The following FOXP2 variants were observed in gnomAD, a reference collection of about 807,000 sequenced individuals.
FOXP2 encodes forkhead box P2.
FOXP2 carries 12 observed loss-of-function variants against 115.8 expected under a neutral mutation model. The ratio of observed to expected loss-of-function variants is 0.10; its 90% confidence interval spans 0.07 to 0.17. FOXP2 has a LOEUF of 0.17. Ranked by LOEUF, FOXP2 falls within the 10% of genes least tolerant of loss-of-function variation. The probability of loss-of-function intolerance (pLI) is 1.00; values close to 1 mark genes in which losing one functional copy is unlikely to be tolerated. For missense variants in FOXP2, 629 were observed against 843.5 expected (o/e 0.75, Z 3.15); for synonymous variants, 328 against 297.7 (o/e 1.10, Z -1.05).
chr7:114,398,473 A>G (rs13307269), intron 2 of FOXP2, among the ~76,000 whole-genome samples: 3 of 152,222 alleles, frequency 2.0e-5, no homozygotes, highest in South Asian at 2.1e-4. Flanking sequence ...CAATGAAAAC[A>G]TACAAAAATA....
At chr7:114,408,563 C>T (rs759458434) in intron 2 of FOXP2, among the ~76,000 whole-genome samples, 11 of 151,816 alleles carry the variant, frequency 7.2e-5, no homozygotes, top group Non-Finnish European at 1.5e-4. Context: ...CCTGTCTCTA[C>T]GAAAAATACA....
intron 1 of FOXP2, among the ~76,000 whole-genome samples, chr7:114,149,518 T>A (rs986042252): frequency 3.3e-5 from 5 of 152,238 alleles, no homozygotes; most frequent in African/African-American, 1.2e-4. Context: ...CCTGCACTAT[T>A]TGCTGAGGTC....
At chr7:114,647,697 C>T (rs1159134468) in intron 8 of FOXP2, among the ~76,000 whole-genome samples, 1 of 151,940 alleles carries the variant, frequency 6.6e-6, no homozygotes, top group Non-Finnish European at 1.5e-5. Context: ...TCATTACTGT[C>T]TTATAAATGT....
intron 2 of FOXP2, among the ~76,000 whole-genome samples, chr7:114,316,614 G>T (rs1174446187): frequency 6.6e-6 from 1 of 152,198 alleles, no homozygotes; most frequent in South Asian, 2.1e-4. Context: ...TTATAGTAGG[G>T]ACCTGAAGGA....
chr7:114,281,044 G>A (rs985231357), intron 1 of FOXP2, among the ~76,000 whole-genome samples: 3 of 147,276 alleles, frequency 2.0e-5, no homozygotes, highest in African/African-American at 7.5e-5. Flanking sequence ...TATAACAGAT[G>A]TTTAGTAATT....
intron 2 of FOXP2, among the ~76,000 whole-genome samples, chr7:114,517,809 G>C (rs1370192177): frequency 6.6e-6 from 1 of 151,836 alleles, no homozygotes; most frequent in Non-Finnish European, 1.5e-5. Flanking sequence ...TGGCTATTGG[G>C]GTCTTTTGTG....
chr7:114,570,019 T>C (rs1801209877), intron 3 of FOXP2, among the ~76,000 whole-genome samples: 1 of 151,926 alleles, frequency 6.6e-6, no homozygotes, highest in Non-Finnish European at 1.5e-5. Context: ...AAGGATGTGT[T>C]GTCACATGGT....
intron 2 of FOXP2, among the ~76,000 whole-genome samples, chr7:114,483,657 G>A (rs1375384254): frequency 3.3e-5 from 5 of 151,496 alleles, no homozygotes; most frequent in Admixed American, 1.3e-4. Flanking sequence ...TGATACTGAC[G>A]TTTTTTAAAA....
At chr7:114,253,266 C>T (rs1795503824) in intron 1 of FOXP2, among the ~76,000 whole-genome samples, 2 of 152,062 alleles carry the variant, frequency 1.3e-5, no homozygotes, top group Non-Finnish European at 2.9e-5. Context: ...AATGTATATT[C>T]TGTTGATTTG....
chr7:114,173,052 A>G (rs1009315515), intron 1 of FOXP2, among the ~76,000 whole-genome samples: 29 of 151,942 alleles, frequency 1.9e-4, no homozygotes, highest in African/African-American at 2.2e-4. Context: ...GAAAATATAG[A>G]TATATATTAC....
At chr7:114,381,269 GT>G (rs1792285416) in intron 2 of FOXP2, among the ~76,000 whole-genome samples, 1 of 152,166 alleles carries the variant, frequency 6.6e-6, no homozygotes, top group Non-Finnish European at 1.5e-5. Context: ...ATTTAACCTG[GT>G]ATGAGCAGAG....
intron 2 of FOXP2, among the ~76,000 whole-genome samples, chr7:114,510,896 A>T (rs1798036952): frequency 6.6e-6 from 1 of 152,244 alleles, no homozygotes; most frequent in South Asian, 2.1e-4. Flanking sequence ...CTATAAAGAC[A>T]CATGCACACG....
At chr7:114,368,817 C>T (rs1405618354) in intron 2 of FOXP2, among the ~76,000 whole-genome samples, 1 of 152,188 alleles carries the variant, frequency 6.6e-6, no homozygotes, top group African/African-American at 2.4e-5. Flanking sequence ...ACATTTTTAC[C>T]TATAGCTTTG....
At chr7:114,138,339 C>G (rs763687711) in intron 1 of FOXP2, among the ~76,000 whole-genome samples, 7 of 151,300 alleles carry the variant, frequency 4.6e-5, no homozygotes, top group Non-Finnish European at 1.0e-4. Flanking sequence ...ATATCCTGTT[C>G]ATAGTATATA....
chr7:114,615,961 T>C (rs1803927679), intron 3 of FOXP2, among the ~76,000 whole-genome samples: 1 of 152,226 alleles, frequency 6.6e-6, no homozygotes, highest in South Asian at 2.1e-4. Flanking sequence ...CCTCTTTGTT[T>C]AACACCTTCT....
intron 1 of FOXP2, among the ~76,000 whole-genome samples, chr7:114,235,070 A>G (rs1418937413): frequency 1.3e-5 from 2 of 151,424 alleles, no homozygotes; most frequent in African/African-American, 4.9e-5. Flanking sequence ...ACGGGTGAGA[A>G]AGTATCCAAT....
chr7:114,473,307 G>T (rs776144588), intron 2 of FOXP2, among the ~76,000 whole-genome samples: 43 of 152,138 alleles, frequency 2.8e-4, no homozygotes, highest in Non-Finnish European at 5.7e-4. Context: ...CAAGCACAGA[G>T]GAAAGACTCA....
intron 2 of FOXP2, among the ~76,000 whole-genome samples, chr7:114,530,146 G>C (rs1009431787): frequency 1.3e-5 from 2 of 151,678 alleles, no homozygotes; most frequent in African/African-American, 4.8e-5. Context: ...AAACATTCTT[G>C]TTTCGCCTGT....
intron 1 of FOXP2, among the ~76,000 whole-genome samples, chr7:114,194,520 C>T (rs146302228): frequency 6.6e-6 from 1 of 151,940 alleles, no homozygotes; most frequent in African/African-American, 2.4e-5. Context: ...CTTACCCAAA[C>T]TGAATTAAAG....
Sources: allele counts gnomAD v4.1 joint callset (sites outside exome capture counted in the v4.1 genomes callset), GRCh38; gene constraint gnomAD v4.1.1; transcripts MANE v1.5; gene names NCBI Gene and HGNC (gene_info 2026-07-23, HGNC 2026-07-21).